Variants in ITSN1 observed in about 807,000 individuals in gnomAD.
ITSN1 encodes the protein intersectin-1.
ITSN1 carries 58 observed loss-of-function variants against 239.8 expected under a neutral mutation model. The ratio of observed to expected loss-of-function variants is 0.24; its 90% confidence interval spans 0.20 to 0.30. The LOEUF (loss-of-function observed/expected upper bound fraction) is 0.30. ITSN1 is among the 10% of genes least tolerant of loss of function. The pLI, the probability that ITSN1 is intolerant of heterozygous loss-of-function variation, is 1.00. For synonymous variants in ITSN1, 780 were observed against 770.8 expected, an observed-to-expected ratio of 1.01 and a Z score of -0.20; for missense variants, 1,558 against 2,103.3, an observed-to-expected ratio of 0.74 and a Z score of 5.07.
chr21:33,845,054 C>T (rs143021405), intron 29 of ITSN1, among the ~76,000 whole-genome samples: 12 of 152,118 alleles, frequency 7.9e-5, no homozygotes, highest in African/African-American at 1.9e-4. Flanking sequence ...TACATGGAAC[C>T]GGCCTGGTCA....
rs931793025 is a variant in ITSN1 at position 33,856,283 on chromosome 21, C to T, written c.3662-453C>T. ...TCAGTTTCTAGGGTGCCCTAACAAA[C>T]GACCACAAACGGGGGGACTTAAAAC... On this transcript the variant is annotated intron_variant, in intron 29 of 39. Transcript: ENST00000381318. 3.3e-5 allele frequency among the ~76,000 whole-genome samples: 5 copies of T among 152,276 alleles called. No individual in the cohort carries two copies. The South Asian group carries it at 8.3e-4, about 25-fold the overall frequency.
chr21:33,704,372 C>G (rs1012941807), intron 1 of ITSN1, among the ~76,000 whole-genome samples: 2 of 152,120 alleles, frequency 1.3e-5, no homozygotes, highest in Non-Finnish European at 2.9e-5. Context: ...GGAACAGTAT[C>G]CCCTGCACCC....
intron 31 of ITSN1, among the ~76,000 whole-genome samples, chr21:33,861,745 G>C (rs956824907): frequency 5.3e-5 from 8 of 151,918 alleles, no homozygotes; most frequent in Non-Finnish European, 1.2e-4. Context: ...AGGAGATTGA[G>C]ACCATCCTGG....
chr21:33,796,386 A>G (rs1233088169), intron 17 of ITSN1, among the ~76,000 whole-genome samples: 2 of 152,250 alleles, frequency 1.3e-5, no homozygotes, highest in African/African-American at 4.8e-5. Context: ...AATGTTTAAG[A>G]TTTAAGTTTA....
intron 28 of ITSN1, among the ~76,000 whole-genome samples, chr21:33,835,372 A>T (rs1374997852): frequency 1.3e-5 from 2 of 152,116 alleles, no homozygotes; most frequent in East Asian, 3.9e-4. Flanking sequence ...GGCCCGCTGA[A>T]ATTAGTTGCT....
In ITSN1 at chr21:33,836,490, G is replaced by A; in HGVS notation, c.3519G>A (p.Glu1173=). The A allele has an allele frequency of 1.2e-6, 2 of 1,614,076 alleles. No homozygotes were observed. The highest frequency in any genetic ancestry group is 1.7e-6 in the Non-Finnish European group (2 of 1,179,950). The stretch of plus-strand genomic sequence containing the variant: ...ACTACACCGCGCAGAATGACGATGA[G>A]CTGGCCTTCAACAAGGGCCAGATCA... ...MYDYTAQNDD[E]LAFNKGQIIN... is the part of the protein sequence containing the mutation. Residue 1173 remains glutamate (E), a synonymous_variant, in exon 29 of 40, where the codon GAG becomes GAA. Coordinates refer to ENST00000381318, the MANE Select transcript of ITSN1 (RefSeq NM_003024.3).
At chr21:33,880,062 A>G (rs1984648197) in intron 34 of ITSN1, among the ~76,000 whole-genome samples, 1 of 152,160 alleles carries the variant, frequency 6.6e-6, no homozygotes, top group Admixed American at 6.5e-5. Flanking sequence ...CTTCCTGGCT[A>G]TCATGCACAG....
intron 26 of ITSN1, among the ~76,000 whole-genome samples, chr21:33,827,401 A>AAAAATAAAATAAAAT (rs576676036): frequency 1.3e-5 from 2 of 152,098 alleles, no homozygotes; most frequent in African/African-American, 4.8e-5. Flanking sequence ...CTCTATCTCA[A>AAAAATAAAATAAAAT]AAAATAAAAT....
chr21:33,841,587 A>G (rs1483088538), intron 29 of ITSN1, among the ~76,000 whole-genome samples: 3 of 152,150 alleles, frequency 2.0e-5, no homozygotes, highest in African/African-American at 7.2e-5. Context: ...TCTCTTGCTC[A>G]TTTGGTCTAA....
chr21:33,828,118 G>A (rs1410783098), intron 26 of ITSN1, among the ~76,000 whole-genome samples: 1 of 152,234 alleles, frequency 6.6e-6, no homozygotes, highest in Non-Finnish European at 1.5e-5. Flanking sequence ...GCCCAGGTGG[G>A]CTTTGCTTTG....
At chr21:33,746,892 G>A (rs2067218204) in intron 5 of ITSN1, among the ~76,000 whole-genome samples, 3 of 151,520 alleles carry the variant, frequency 2.0e-5, no homozygotes, top group South Asian at 2.1e-4. Flanking sequence ...GGTGGCTCAC[G>A]GCTGTAATCC....
intron 29 of ITSN1, among the ~76,000 whole-genome samples, chr21:33,841,349 C>T (rs2074816340): frequency 6.6e-6 from 1 of 152,074 alleles, no homozygotes; most frequent in Non-Finnish European, 1.5e-5. Flanking sequence ...ATAATTCAAC[C>T]TAGTACAATA....
chr21:33,738,150 G>C (rs777063066), intron 5 of ITSN1, among the ~76,000 whole-genome samples: 1 of 151,940 alleles, frequency 6.6e-6, no homozygotes, highest in Non-Finnish European at 1.5e-5. Flanking sequence ...TCGTGCCACT[G>C]CACTCCAGCC....
At chr21:33,868,614 C>T (rs535315597) in intron 33 of ITSN1, among the ~76,000 whole-genome samples, 26 of 152,204 alleles carry the variant, frequency 1.7e-4, no homozygotes, top group Non-Finnish European at 2.9e-4. Flanking sequence ...GCTCCGAGTG[C>T]GGGGCACGCC....
In ITSN1 at chr21:33,836,505, G is replaced by A; in HGVS notation, c.3534G>A (p.Lys1178=). 2 of 1,614,030 alleles carry A rather than the reference G, an allele frequency of 1.2e-6. No individual in the cohort carries two copies. Among genetic ancestry groups the A allele is most frequent in the Non-Finnish European group, 1.7e-6 (2 of 1,179,912 alleles). Residue 1178 remains lysine (K), a synonymous_variant, in exon 29 of 40, where the codon AAG becomes AAA. Coordinates refer to ENST00000381318, the MANE Select transcript of ITSN1 (RefSeq NM_003024.3). ...AQNDDELAFN[K]GQIINVLNKE... Reference sequence around the variant, plus strand: ...ATGACGATGAGCTGGCCTTCAACAAGGGCCAGATCATCAACGTCCTCAACA... The same window carrying A: ...ATGACGATGAGCTGGCCTTCAACAAAGGCCAGATCATCAACGTCCTCAACA...
At position 33,879,600 on chromosome 21, in the gene ITSN1, G is replaced by T. The variant is rs573567632; in HGVS notation, c.4342-2643G>T. On this transcript the variant is annotated intron_variant, in intron 34 of 39. Coordinates refer to ENST00000381318, the MANE Select transcript of ITSN1 (RefSeq NM_003024.3). Reference sequence around the variant, plus strand: ...CACAGTCATGTGCACTTTAGAAAGGGCCCTTCCCCGACTCTGACAGCTGCC... The same window carrying T: ...CACAGTCATGTGCACTTTAGAAAGGTCCCTTCCCCGACTCTGACAGCTGCC... 3.3e-5 allele frequency among the ~76,000 whole-genome samples: 5 copies of T among 152,358 alleles called. No individual in the cohort carries two copies. In the South Asian group the frequency reaches 1.0e-3, roughly 32 times the overall value.
chr21:33,748,465 AAG>A (rs1312261239), intron 5 of ITSN1, among the ~76,000 whole-genome samples: 5 of 152,246 alleles, frequency 3.3e-5, no homozygotes, highest in Middle Eastern at 3.4e-3. Context: ...AAAGAAAAAA[AAG>A]AAAATTTTAA....
intron 1 of ITSN1, among the ~76,000 whole-genome samples, chr21:33,704,551 A>G (rs2092161546): frequency 6.6e-6 from 1 of 152,186 alleles, no homozygotes; most frequent in Non-Finnish European, 1.5e-5. Flanking sequence ...GGGAATACTA[A>G]TAATATTTAG....
intron 33 of ITSN1, among the ~76,000 whole-genome samples, chr21:33,872,595 G>A (rs997872138): frequency 2.0e-5 from 3 of 151,994 alleles, no homozygotes; most frequent in Non-Finnish European, 2.9e-5. Context: ...GCAGTGGCAC[G>A]ATCTCAGCTC....
Sources: gnomAD v4.1 joint callset for allele counts (sites outside exome capture counted in the v4.1 genomes callset) on GRCh38, gnomAD v4.1.1 for gene constraint, MANE v1.5 for transcripts, NCBI Gene and HGNC (gene_info 2026-07-23, HGNC 2026-07-21) for gene names.